Variants in ACTN2 observed in about 807,000 individuals in gnomAD.
ACTN2 encodes alpha-actinin-2.
Under a neutral mutation model 113.8 loss-of-function variants are expected in ACTN2, and 39 were observed. That is an observed-to-expected ratio of 0.34 (90% confidence interval 0.27 to 0.45). The LOEUF is 0.45. ACTN2 is among the 20% of genes least tolerant of loss of function. The pLI, the probability that ACTN2 is intolerant of heterozygous loss-of-function variation, is 1.00. For missense variants in ACTN2, 992 were observed against 1,177.9 expected (o/e 0.84, Z 2.31); for synonymous variants, 429 against 444.1 (o/e 0.97, Z 0.43).
At position 236,725,825 on chromosome 1, in the gene ACTN2, A is replaced by T. The variant is rs1447164578; in HGVS notation, c.449-108A>T. ...GCACTTGCCGAGGCTGTAGGAAGAG[A>T]CCCCCTGGGTGATCGACCCCCTGGG... On this transcript the variant is annotated intron_variant, in intron 4 of 20. Coordinates refer to ENST00000366578, the MANE Select transcript of ACTN2 (RefSeq NM_001103.4). The T allele has an allele frequency of 8.6e-6, 8 of 935,232 alleles. No individual in the cohort carries two copies. The East Asian group carries it at 1.9e-4, about 23-fold the overall frequency. The allele number at this position is 935,232 out of a possible 1,614,324, so 57.9% of individuals were successfully genotyped here.
chr1:236,726,387 C>T (rs1658551305), intron 5 of ACTN2, among the ~76,000 whole-genome samples: 1 of 152,070 alleles, frequency 6.6e-6, no homozygotes, highest in African/African-American at 2.4e-5. Context: ...GTCTGCGTAC[C>T]CCCCACTAGC....
At chr1:236,732,206 A>G (rs1388605589) in intron 7 of ACTN2, among the ~76,000 whole-genome samples, 1 of 152,158 alleles carries the variant, frequency 6.6e-6, no homozygotes, top group East Asian at 1.9e-4. Flanking sequence ...AATTACTGCA[A>G]ACTGGGCAGC....
intron 1 of ACTN2, among the ~76,000 whole-genome samples, chr1:236,688,377 T>C (rs80331343): frequency 8.4e-6 from 1 of 119,428 alleles, no homozygotes; most frequent in Non-Finnish European, 1.8e-5. Context: ...TTCTGTTGCC[T>C]TTTTTTTTTT....
chr1:236,738,114 A>G (rs12138531), intron 9 of ACTN2, among the ~76,000 whole-genome samples: 70,915 of 151,928 alleles, frequency 0.47, 19,232 homozygotes, highest in Non-Finnish European at 0.61. Context: ...GGTTCAAGCA[A>G]TTGTCCTGCC....
Position 236,737,297 on chromosome 1 carries a change from G to GTATTTATATATA in ACTN2, c.876+83_876+84insTATTTATATATA. On this transcript the variant is annotated intron_variant, in intron 9 of 20. Transcript: ENST00000366578. ...GAGGGTGAAAAAATACTCCGTGGGG[G>GTATTTATATATA]CATATATATATATATATATATTTTG... 34 of 322,074 alleles carry GTATTTATATATA rather than the reference G, an allele frequency of 1.1e-4. 2 individuals are homozygous for GTATTTATATATA. The highest frequency in any genetic ancestry group is 1.4e-4 in the Non-Finnish European group (22 of 158,022). 20.0% of individuals were successfully genotyped at this position (322,074 alleles called of 1,614,324 possible).
rs1659744239 is a variant in ACTN2 at position 236,762,596 on chromosome 1, C to T, written c.2662C>T (p.Leu888Phe). The change falls in exon 21 of 21, where the codon CTC becomes TTC. Residue 888 changes from leucine to phenylalanine, a missense_variant. Physicochemically the swap from Leu to Phe is conservative, Grantham distance 22. Transcript: ENST00000366578. ...ALDYAAFSSA[L>F]YGESDL ...GGATTACGCTGCGTTCTCTTCCGCA[C>T]TCTACGGGGAGAGCGATCTGTGATG... The T allele has an allele frequency of 1.2e-6, 2 of 1,614,146 alleles. No individual in the cohort carries two copies. The highest frequency in any genetic ancestry group is 1.7e-6 in the Non-Finnish European group (2 of 1,180,030).
At position 236,760,172 on chromosome 1, in the gene ACTN2, G is replaced by A. The variant is rs573682324; in HGVS notation, c.2367+383G>A. On this transcript the variant is annotated intron_variant, in intron 19 of 20. Transcript: ENST00000366578. ...GAGGCAGGAGAATGGCTTGAACCTG[G>A]GAGGCGGAGGTTGCAGTGAGCTGAG... 1.9e-3 allele frequency among the ~76,000 whole-genome samples: 283 copies of A among 152,168 alleles called. 1 individual carries two copies. Among genetic ancestry groups the A allele is most frequent in the African/African-American group, 6.6e-3 (272 of 41,508 alleles).
In ACTN2 at chr1:236,727,690, C is replaced by T. The variant is rs1060504997; in HGVS notation, c.549C>T (p.Gly183=). The change falls in exon 6 of 21, where the codon GGC becomes GGT. Residue 183 remains glycine (G), a synonymous_variant. Coordinates refer to ENST00000366578, the MANE Select transcript of ACTN2 (RefSeq NM_001103.4). ...GACGGCTGTGAAGCTGGAAAGATGG[C>T]CTTGGACTCTGTGCCCTCATCCACC... ...IQNFHTSWKD[G]LGLCALIHRH... The T allele has an allele frequency of 1.2e-6, 2 of 1,614,082 alleles. No homozygotes were observed. Among genetic ancestry groups the T allele is most frequent in the Non-Finnish European group, 1.7e-6 (2 of 1,179,970 alleles).
At chr1:236,727,380 G>A (rs962702172) in intron 5 of ACTN2, among the ~76,000 whole-genome samples, 3 of 152,098 alleles carry the variant, frequency 2.0e-5, no homozygotes, top group Admixed American at 6.5e-5. Context: ...GGGACTGGCC[G>A]AGCAGGGACA....
intron 8 of ACTN2, chr1:236,736,890 C>G (rs1658893948): frequency 4.9e-6 from 3 of 608,512 alleles, no homozygotes; most frequent in Non-Finnish European, 8.8e-6. Flanking sequence ...CCGTTATTCC[C>G]TACAGTCTAA....
Position 236,686,593 on chromosome 1 carries a change from C to A in ACTN2, c.-81C>A. 7.0e-7 allele frequency: 1 copy of A among 1,419,360 alleles called. No homozygotes were observed. The highest frequency in any genetic ancestry group is 1.5e-5 in the African/African-American group (1 of 65,826). The allele number at this position is 1,419,360 out of a possible 1,614,324, so 87.9% of individuals were successfully genotyped here. A position where few individuals can be genotyped will look rare whatever the true frequency, so the allele number is the denominator to read the frequency against. On this transcript the variant is annotated 5_prime_UTR_variant, in exon 1 of 21. Coordinates refer to ENST00000366578, the MANE Select transcript of ACTN2 (RefSeq NM_001103.4). ...CCCGCGCCCGCCGCCCGCCGCCCGC[C>A]GCCTCCGTGGGTCCGTTTGCCAGTC...
intron 7 of ACTN2, among the ~76,000 whole-genome samples, chr1:236,734,070 T>C (rs995789277): frequency 6.6e-6 from 1 of 152,214 alleles, no homozygotes; most frequent in African/African-American, 2.4e-5. Flanking sequence ...TGTGGACCCC[T>C]GGGCCCTCCA....
rs1558252775 is a variant in ACTN2, at chr1:236,762,464, T to C, written c.2530T>C (p.Tyr844His). 1 of 1,614,118 alleles carries C rather than the reference T, an allele frequency of 6.2e-7. No homozygotes were observed. The highest frequency in any genetic ancestry group is 8.5e-7 in the Non-Finnish European group (1 of 1,179,974). ...ACACGTGTGTATTTTTTCCCAGCCA[T>C]ACATCCTGGCGGAGGAGCTGCGTCG... is the stretch of plus-strand genomic sequence containing the variant. Reference protein sequence around the residue: ...SFRILASDKPYILAEELRREL... With the variant: ...SFRILASDKPHILAEELRREL... Residue 844 changes from tyrosine (Y) to histidine (H), a missense_variant, in exon 21 of 21, where the codon TAC becomes CAC. Tyr to His is a moderately conservative substitution (Grantham distance 83, BLOSUM62 2). Coordinates refer to ENST00000366578, the MANE Select transcript of ACTN2 (RefSeq NM_001103.4).
rs1294874323 is a variant in ACTN2 at position 236,762,427 on chromosome 1, A to T, written c.2527-34A>T. On this transcript the variant is annotated intron_variant, in intron 20 of 20. Transcript: ENST00000366578. ...ACTGTTTATGTTGTGGTGTTTCTGC[A>T]ACTGACTGCAAACACGTGTGTATTT... 3 of 1,613,510 alleles carry T rather than the reference A, an allele frequency of 1.9e-6. No individual in the cohort carries two copies. In the East Asian group the frequency reaches 6.7e-5, roughly 36 times the overall value.
intron 7 of ACTN2, among the ~76,000 whole-genome samples, chr1:236,732,199 T>G (rs1383393086): frequency 6.6e-6 from 1 of 152,192 alleles, no homozygotes; most frequent in Non-Finnish European, 1.5e-5. Context: ...TGTAACAAAT[T>G]ACTGCAAACT....
chr1:236,686,851 G>A, intron 1 of ACTN2, 52 bp downstream of exon 1: 1 of 1,335,642 alleles, frequency 7.5e-7, no homozygotes. Context: ...GGTCCCCCGC[G>A]GGGCTCCCGT....
rs1306866183 is a variant in ACTN2 at position 236,763,670 on chromosome 1, A to T, written c.*1051A>T. On this transcript the variant is annotated 3_prime_UTR_variant, in exon 21 of 21. Transcript: ENST00000366578. The stretch of plus-strand genomic sequence containing the variant: ...GTTCTTTCTTTTGCGGAAGCTTTAC[A>T]TATGTTTTGTGTAGTAGGAATAACT... 6.6e-6 allele frequency: 1 copy of T among 152,164 alleles called. No homozygotes were observed. The highest frequency in any genetic ancestry group is 1.5e-5 in the Non-Finnish European group (1 of 68,048). 9.4% of individuals were successfully genotyped at this position (152,164 alleles called of 1,614,324 possible).
chr1:236,727,372 G>A (rs1652492328), intron 5 of ACTN2, among the ~76,000 whole-genome samples: 1 of 152,106 alleles, frequency 6.6e-6, no homozygotes, highest in Non-Finnish European at 1.5e-5. Flanking sequence ...GGAACCCTGG[G>A]ACTGGCCGAG....
rs546345888 is a variant in ACTN2, at chr1:236,715,709, A to C, written c.127-2149A>C. Among the ~76,000 whole-genome samples, 75 of 152,318 alleles carry C rather than the reference A, an allele frequency of 4.9e-4. 2 individuals carry two copies. The South Asian group carries it at 0.016, about 32-fold the overall frequency. On this transcript the variant is annotated intron_variant, in intron 1 of 20. Transcript: ENST00000366578. ...GGTGGCTCATGCCTGTAATCCCAGC[A>C]CTTTGAGAGGCCGAGGCAGATGGAT... is the stretch of plus-strand genomic sequence containing the variant.
Sources: gnomAD v4.1 joint callset for allele counts (sites outside exome capture counted in the v4.1 genomes callset) on GRCh38, gnomAD v4.1.1 for gene constraint, MANE v1.5 for transcripts, NCBI Gene and HGNC (gene_info 2026-07-23, HGNC 2026-07-21) for gene names.